Variants in ZMIZ1 observed in about 807,000 individuals in gnomAD.
ZMIZ1 encodes the protein zinc finger MIZ domain-containing protein 1.
ZMIZ1 carries 17 observed loss-of-function variants against 113.9 expected under a neutral mutation model. The observed-to-expected ratio is 0.15, with a 90% CI of 0.10 to 0.22. ZMIZ1 has a LOEUF of 0.22. ZMIZ1 is among the 10% of genes least tolerant of loss of function. ZMIZ1 has a pLI of 1.00. For synonymous variants in ZMIZ1, 607 were observed against 603.1 expected (o/e 1.01, Z -0.09); for missense variants, 1,059 against 1,477.8 (o/e 0.72, Z 4.65).
Position 79,292,245 on chromosome 10 carries a change from C to A in ZMIZ1, c.846C>A (p.Ala282=). 1 of 1,612,400 alleles carries A rather than the reference C, an allele frequency of 6.2e-7. No individual in the cohort carries two copies. Among genetic ancestry groups the A allele is most frequent in the Non-Finnish European group, 8.5e-7 (1 of 1,179,702 alleles). ...CTGACTTCACTCAGCCCGCGGCAGCCGCTGCAGCAGCGGCAGTGGCAGCAG... is the reference window on the plus strand; with the variant it reads ...CTGACTTCACTCAGCCCGCGGCAGCAGCTGCAGCAGCGGCAGTGGCAGCAG... ...PPADFTQPAA[A]AAAAAVAAAA... is the part of the protein sequence containing the mutation. Residue 282 remains alanine (A), a synonymous_variant, in exon 11 of 25, where the codon GCC becomes GCA. Transcript: ENST00000334512.
chr10:79,263,684 G>T (rs925689068), intron 7 of ZMIZ1, among the ~76,000 whole-genome samples: 2 of 152,134 alleles, frequency 1.3e-5, no homozygotes, highest in Non-Finnish European at 2.9e-5. Flanking sequence ...GTTGTCACTG[G>T]CAGGAAAAAC....
chr10:79,285,011 G>A (rs1275280752), intron 8 of ZMIZ1, among the ~76,000 whole-genome samples: 1 of 152,188 alleles, frequency 6.6e-6, no homozygotes, highest in Admixed American at 6.5e-5. Context: ...CCCCCAGGAA[G>A]ATGCAGCCCT....
intron 7 of ZMIZ1, among the ~76,000 whole-genome samples, chr10:79,274,525 C>T (rs996277545): frequency 5.3e-5 from 8 of 152,220 alleles, no homozygotes; most frequent in South Asian, 2.1e-4. Context: ...TGCGAATTCC[C>T]GGGTGTTGTC....
chr10:79,207,608 C>T (rs2132677717), intron 5 of ZMIZ1, among the ~76,000 whole-genome samples: 1 of 152,330 alleles, frequency 6.6e-6, no homozygotes, highest in East Asian at 1.9e-4. Flanking sequence ...TCAGACTCTG[C>T]CTGGCAGGGG....
chr10:79,074,552 C>T (rs894842339), intron 1 of ZMIZ1, among the ~76,000 whole-genome samples: 3 of 152,350 alleles, frequency 2.0e-5, no homozygotes, highest in South Asian at 4.1e-4. Context: ...TGCCCTTCTC[C>T]GGCTCTGGAG....
At chr10:79,157,743 G>A (rs184230993) in intron 3 of ZMIZ1, among the ~76,000 whole-genome samples, 4 of 152,336 alleles carry the variant, frequency 2.6e-5, no homozygotes, top group Admixed American at 1.3e-4. Context: ...AGGAGGCGGG[G>A]CAGCCAGCCC....
chr10:79,302,298 A>G, intron 18 of ZMIZ1, 86 bp downstream of exon 18: 4 of 1,399,824 alleles, frequency 2.9e-6, no homozygotes, highest in Non-Finnish European at 4.0e-6. Flanking sequence ...TTCACCTGGA[A>G]CTGACCTTTG....
intron 8 of ZMIZ1, among the ~76,000 whole-genome samples, chr10:79,286,835 T>C (rs887542984): frequency 6.6e-6 from 1 of 152,218 alleles, no homozygotes; most frequent in Non-Finnish European, 1.5e-5. Flanking sequence ...GCCCACTCCC[T>C]GGCCACAGGC....
chr10:79,295,828 T>C (rs1853854770), intron 12 of ZMIZ1: 1 of 152,394 alleles, frequency 6.6e-6, no homozygotes, highest in African/African-American at 2.4e-5. Flanking sequence ...GGTCACCTGA[T>C]TTTCCAGACA....
chr10:79,095,909 G>A (rs1436850116), intron 1 of ZMIZ1, among the ~76,000 whole-genome samples: 10 of 152,234 alleles, frequency 6.6e-5, no homozygotes, highest in African/African-American at 2.4e-4. Context: ...ACTACGTGTG[G>A]CCATCTAGGG....
At chr10:79,113,839 T>C (rs781291207) in intron 1 of ZMIZ1, among the ~76,000 whole-genome samples, 2 of 152,162 alleles carry the variant, frequency 1.3e-5, no homozygotes, top group Non-Finnish European at 2.9e-5. Context: ...TATTCACGTT[T>C]GGAGCCCGTT....
At chr10:79,073,931 G>T (rs1398868271) in intron 1 of ZMIZ1, among the ~76,000 whole-genome samples, 1 of 152,202 alleles carries the variant, frequency 6.6e-6, no homozygotes, top group African/African-American at 2.4e-5. Flanking sequence ...GTGGAAGACA[G>T]TTCCTGTTCC....
At chr10:79,091,135 G>C (rs1398467105) in intron 1 of ZMIZ1, among the ~76,000 whole-genome samples, 1 of 152,228 alleles carries the variant, frequency 6.6e-6, no homozygotes, top group African/African-American at 2.4e-5. Flanking sequence ...GTGCTTTGGG[G>C]AAGCTGGACT....
intron 2 of ZMIZ1, among the ~76,000 whole-genome samples, chr10:79,125,752 G>A (rs1265635695): frequency 1.3e-5 from 2 of 152,240 alleles, no homozygotes; most frequent in Non-Finnish European, 2.9e-5. Flanking sequence ...TCTCTCTCGT[G>A]TTGGGAGGAG....
At chr10:79,120,456 A>G (rs888140751) in intron 2 of ZMIZ1, among the ~76,000 whole-genome samples, 2 of 152,230 alleles carry the variant, frequency 1.3e-5, no homozygotes, top group Non-Finnish European at 2.9e-5. Flanking sequence ...AAAAGCTTCC[A>G]GCAGCTCCTG....
intron 23 of ZMIZ1, among the ~76,000 whole-genome samples, chr10:79,309,414 G>A (rs1021879897): frequency 1.3e-5 from 2 of 152,184 alleles, no homozygotes; most frequent in African/African-American, 4.8e-5. Flanking sequence ...TACAGGAGTG[G>A]GAGCCCTAAG....
intron 24 of ZMIZ1, among the ~76,000 whole-genome samples, chr10:79,312,005 A>G (rs915514556): frequency 6.6e-6 from 1 of 152,200 alleles, no homozygotes; most frequent in Non-Finnish European, 1.5e-5. Flanking sequence ...CTGTGCAGCC[A>G]TCTCAGGTCC....
rs532115903 is a variant in ZMIZ1, at chr10:79,252,652, G to A, written c.281-24529G>A. 2.6e-5 allele frequency among the ~76,000 whole-genome samples: 4 copies of A among 152,272 alleles called. No homozygotes were observed. In the South Asian group the frequency reaches 6.2e-4, roughly 24 times the overall value. ...TACTCAGTTACCACTTCTGCAAAAC[G>A]GGGACACCCTCACCCACAGGTCTGT... is the stretch of plus-strand genomic sequence containing the variant. On this transcript the variant is annotated intron_variant, in intron 7 of 24. Coordinates refer to ENST00000334512, the MANE Select transcript of ZMIZ1 (RefSeq NM_020338.4).
At chr10:79,101,809 G>A (rs577926022) in intron 1 of ZMIZ1, among the ~76,000 whole-genome samples, 5 of 152,302 alleles carry the variant, frequency 3.3e-5, no homozygotes, top group South Asian at 4.1e-4. Context: ...CACTGTCCCC[G>A]ACCATAAACA....
Sources: allele counts gnomAD v4.1 joint callset (sites outside exome capture counted in the v4.1 genomes callset), GRCh38; gene constraint gnomAD v4.1.1; transcripts MANE v1.5; gene names NCBI Gene and HGNC (gene_info 2026-07-23, HGNC 2026-07-21).